CACNB4: variants seen among roughly 807,000 people sequenced by gnomAD.
CACNB4 encodes the protein calcium voltage-gated channel auxiliary subunit beta 4.
Under a neutral mutation model 71.2 loss-of-function variants are expected in CACNB4, and 32 were observed. The observed-to-expected ratio is 0.45, with a 90% confidence interval of 0.34 to 0.60. CACNB4 has a LOEUF of 0.60. CACNB4 is among the 20% of genes least tolerant of loss of function. The pLI is 0.01. For synonymous variants in CACNB4, 231 were observed against 236.9 expected, an observed-to-expected ratio of 0.97 and a Z score of 0.23; for missense variants, 464 against 647.9, an observed-to-expected ratio of 0.72 and a Z score of 3.08.
chr2:151,887,870 C>G (rs1308945895), intron 2 of CACNB4, among the ~76,000 whole-genome samples: 1 of 152,012 alleles, frequency 6.6e-6, no homozygotes, highest in African/African-American at 2.4e-5. Flanking sequence ...AAACTTTGAC[C>G]CACTAATTAA....
rs1031970703 is a variant in CACNB4 at position 151,832,852 on chromosome 2, A to T, written c.*6267T>A. 3.3e-5 allele frequency: 5 copies of T among 152,180 alleles called. No homozygotes were observed. Among genetic ancestry groups the T allele is most frequent in the Non-Finnish European group, 7.4e-5 (5 of 68,020 alleles). The allele number at this position is 152,180 out of a possible 1,614,324, so 9.4% of individuals were successfully genotyped here. ...TACACATTTAAATTCCATAAAACAA[A>T]TCCATAGAAATGAGGATACTCTATG... On this transcript the variant is annotated 3_prime_UTR_variant, in exon 14 of 14. Transcript: ENST00000539935.
chr2:151,906,294 T>C (rs557519593), intron 2 of CACNB4, among the ~76,000 whole-genome samples: 60 of 152,238 alleles, frequency 3.9e-4, no homozygotes, highest in Non-Finnish European at 6.9e-4. Flanking sequence ...TTTTCAAAAA[T>C]AGAAAGCAGT....
intron 8 of CACNB4, chr2:151,869,902 G>A (rs2099844166): frequency 2.7e-6 from 1 of 363,958 alleles, no homozygotes; most frequent in Non-Finnish European, 5.0e-6. Context: ...CACCTTCAGA[G>A]TTTAATGTCA....
intron 2 of CACNB4, among the ~76,000 whole-genome samples, chr2:151,962,294 G>A (rs145544885): frequency 2.0e-5 from 3 of 152,106 alleles, no homozygotes; most frequent in Admixed American, 6.6e-5. Flanking sequence ...TAGCCATGGG[G>A]GTACAGCACT....
chr2:151,856,396 C>T (rs1156562452), intron 10 of CACNB4, among the ~76,000 whole-genome samples: 5 of 151,654 alleles, frequency 3.3e-5, no homozygotes, highest in African/African-American at 7.3e-5. Context: ...CTCTACCTCC[C>T]GGGTTCAAGT....
intron 2 of CACNB4, among the ~76,000 whole-genome samples, chr2:152,086,384 C>T (rs530532815): frequency 1.3e-5 from 2 of 152,194 alleles, no homozygotes; most frequent in Non-Finnish European, 1.5e-5. Context: ...AGAATGTTTG[C>T]AGCTGACCTA....
intron 2 of CACNB4, among the ~76,000 whole-genome samples, chr2:151,923,172 A>T (rs2099859388): frequency 6.6e-6 from 1 of 152,242 alleles, no homozygotes; most frequent in African/African-American, 2.4e-5. Flanking sequence ...TCAACCAAAC[A>T]AAAGCAACTG....
At chr2:152,044,531 T>C (rs1685045618) in intron 2 of CACNB4, among the ~76,000 whole-genome samples, 1 of 152,172 alleles carries the variant, frequency 6.6e-6, no homozygotes, top group Admixed American at 6.5e-5. Context: ...AAGCAAATTA[T>C]TAAAGGGAAA....
At chr2:152,042,351 T>A (rs1158470351) in intron 2 of CACNB4, among the ~76,000 whole-genome samples, 2 of 152,188 alleles carry the variant, frequency 1.3e-5, no homozygotes, top group African/African-American at 4.8e-5. Context: ...GGTTCTTATA[T>A]GTCGTAGCTT....
chr2:151,836,373 G>A lies in CACNB4; in HGVS notation c.*2746C>T, dbSNP rs1255239106. 6.6e-6 allele frequency: 1 copy of A among 151,680 alleles called. No individual in the cohort carries two copies. The highest frequency in any genetic ancestry group is 1.5e-5 in the Non-Finnish European group (1 of 67,718). 9.4% of individuals were successfully genotyped at this position (151,680 alleles called of 1,614,324 possible). On this transcript the variant is annotated 3_prime_UTR_variant, in exon 14 of 14. Transcript: ENST00000539935. ...TGTATTTTTCAAAGGTGCTTGGTGT[G>A]CTTGGCAAAAATAAAACTTTTCATT...
Position 151,833,551 on chromosome 2 carries a change from A to G in CACNB4, c.*5568T>C. On this transcript the variant is annotated 3_prime_UTR_variant, in exon 14 of 14. Transcript: ENST00000539935. ...GGTATGAGTGTTATCACAAAATAAA[A>G]TTTAATAAATTTTATGGAAGGGAAT... 1 of 152,154 alleles carries G rather than the reference A, an allele frequency of 6.6e-6. No individual in the cohort carries two copies. Among genetic ancestry groups the G allele is most frequent in the Non-Finnish European group, 1.5e-5 (1 of 67,966 alleles). The allele number at this position is 152,154 out of a possible 1,614,324, so 9.4% of individuals were successfully genotyped here.
intron 13 of CACNB4, among the ~76,000 whole-genome samples, chr2:151,840,771 T>C (rs749449044): frequency 1.3e-5 from 2 of 152,216 alleles, no homozygotes; most frequent in Non-Finnish European, 2.9e-5. Context: ...TAACTCTGTA[T>C]GATCGACAAT....
At chr2:151,916,735 T>C (rs1018319202) in intron 2 of CACNB4, among the ~76,000 whole-genome samples, 4 of 152,252 alleles carry the variant, frequency 2.6e-5, no homozygotes, top group Non-Finnish European at 4.4e-5. Context: ...AGCAAAGCTT[T>C]TTAAACTATG....
At chr2:151,920,980 T>C (rs1325250203) in intron 2 of CACNB4, among the ~76,000 whole-genome samples, 1 of 151,684 alleles carries the variant, frequency 6.6e-6, no homozygotes, top group Non-Finnish European at 1.5e-5. Flanking sequence ...CTACTAAAAA[T>C]ACAAAAAGAA....
At chr2:152,004,999 A>G (rs1682644701) in intron 2 of CACNB4, among the ~76,000 whole-genome samples, 1 of 152,212 alleles carries the variant, frequency 6.6e-6, no homozygotes, top group African/African-American at 2.4e-5. Context: ...CAGAATTGCT[A>G]TTATTAAAAA....
intron 2 of CACNB4, among the ~76,000 whole-genome samples, chr2:151,927,723 G>A (rs1395442445): frequency 1.3e-5 from 2 of 152,234 alleles, no homozygotes; most frequent in African/African-American, 2.4e-5. Context: ...CTGCAGCAAC[G>A]CAGGTGCTGA....
At chr2:152,006,776 C>G (rs1171291183) in intron 2 of CACNB4, among the ~76,000 whole-genome samples, 1 of 152,242 alleles carries the variant, frequency 6.6e-6, no homozygotes, top group East Asian at 1.9e-4. Context: ...CCCTACATAC[C>G]AACCATCGTC....
At chr2:151,919,824 A>G (rs776201950) in intron 2 of CACNB4, among the ~76,000 whole-genome samples, 10 of 152,212 alleles carry the variant, frequency 6.6e-5, no homozygotes, top group East Asian at 1.9e-4. Flanking sequence ...GTATGACTTA[A>G]GTGCAAGTTT....
At chr2:151,907,645 AGT>A (rs2151524408) in intron 2 of CACNB4, among the ~76,000 whole-genome samples, 1 of 152,300 alleles carries the variant, frequency 6.6e-6, no homozygotes, top group South Asian at 2.1e-4. Context: ...TATTGTATTT[AGT>A]GTGTGTTTTT....
Sources: allele counts gnomAD v4.1 joint callset (sites outside exome capture counted in the v4.1 genomes callset), GRCh38; gene constraint gnomAD v4.1.1; transcripts MANE v1.5; gene names NCBI Gene and HGNC (gene_info 2026-07-23, HGNC 2026-07-21).